PRKG1: variants seen among roughly 807,000 people sequenced by gnomAD.
PRKG1 encodes protein kinase cGMP-dependent 1.
PRKG1 carries 35 observed loss-of-function variants against 88.1 expected under a neutral mutation model. The ratio of observed to expected loss-of-function variants is 0.40; its 90% CI spans 0.30 to 0.53. The LOEUF (loss-of-function observed/expected upper bound fraction) is 0.53, where lower values mean the gene tolerates loss of function less well. PRKG1 is among the 20% of genes least tolerant of loss of function. The pLI, the probability that PRKG1 is intolerant of heterozygous loss-of-function variation, is 0.59. For missense variants in PRKG1, 540 were observed against 839.8 expected (o/e 0.64, Z 4.41); for synonymous variants, 303 against 292.5 (o/e 1.04, Z -0.37).
intron 3 of PRKG1, among the ~76,000 whole-genome samples, chr10:51,496,520 G>A (rs954728690): frequency 6.6e-6 from 1 of 152,094 alleles, no homozygotes; most frequent in Admixed American, 6.5e-5. Flanking sequence ...TAATGGAAAT[G>A]TTCACAGATC....
At chr10:51,202,454 C>G (rs538956104) in intron 2 of PRKG1, among the ~76,000 whole-genome samples, 1 of 152,288 alleles carries the variant, frequency 6.6e-6, no homozygotes, top group African/African-American at 2.4e-5. Context: ...GAAGATTTCT[C>G]CTGAGAACAC....
intron 3 of PRKG1, among the ~76,000 whole-genome samples, chr10:51,470,173 T>C (rs1840012714): frequency 6.6e-6 from 1 of 151,900 alleles, no homozygotes. Flanking sequence ...TCTTATTCTT[T>C]ACATGTGATA....
At chr10:51,744,406 T>C (rs1199502320) in intron 3 of PRKG1, among the ~76,000 whole-genome samples, 1 of 151,432 alleles carries the variant, frequency 6.6e-6, no homozygotes, top group African/African-American at 2.5e-5. Flanking sequence ...GCTTTTTAGC[T>C]GAGGAAACCT....
At chr10:52,082,425 G>C (rs971894084) in intron 7 of PRKG1, among the ~76,000 whole-genome samples, 1 of 152,116 alleles carries the variant, frequency 6.6e-6, no homozygotes, top group African/African-American at 2.4e-5. Context: ...GCTCTCTGTA[G>C]GACAGGAGAG....
At chr10:51,301,129 A>G (rs193048767) in intron 2 of PRKG1, among the ~76,000 whole-genome samples, 2 of 152,338 alleles carry the variant, frequency 1.3e-5, no homozygotes, top group East Asian at 3.9e-4. Flanking sequence ...GTCCAGCAAC[A>G]GATTAGTGAA....
chr10:51,790,704 T>C (rs1838847852), intron 3 of PRKG1, among the ~76,000 whole-genome samples: 1 of 152,188 alleles, frequency 6.6e-6, no homozygotes, highest in South Asian at 2.1e-4. Flanking sequence ...ATCTGATCTT[T>C]TGATGTAGAG....
intron 12 of PRKG1, among the ~76,000 whole-genome samples, chr10:52,278,465 A>G (rs1430629938): frequency 2.0e-5 from 3 of 152,172 alleles, no homozygotes; most frequent in African/African-American, 7.2e-5. Context: ...TACTGGGTAT[A>G]TACCCAAAGA....
intron 3 of PRKG1, among the ~76,000 whole-genome samples, chr10:51,651,047 C>A (rs1840026395): frequency 6.6e-6 from 1 of 152,150 alleles, no homozygotes; most frequent in African/African-American, 2.4e-5. Context: ...TATTGAAGTC[C>A]AATGGGTAAA....
intron 2 of PRKG1, among the ~76,000 whole-genome samples, chr10:51,306,295 T>C (rs1321318535): frequency 6.6e-6 from 1 of 152,138 alleles, no homozygotes; most frequent in Non-Finnish European, 1.5e-5. Flanking sequence ...GAAATTTTGG[T>C]TTCACAGGCG....
intron 3 of PRKG1, among the ~76,000 whole-genome samples, chr10:51,610,809 C>T (rs536522832): frequency 3.9e-5 from 6 of 152,250 alleles, no homozygotes; most frequent in African/African-American, 1.4e-4. Context: ...CTAAACACTG[C>T]ATGTTCTCAC....
intron 5 of PRKG1, among the ~76,000 whole-genome samples, chr10:51,912,142 A>G (rs1399501067): frequency 6.6e-6 from 1 of 152,226 alleles, no homozygotes; most frequent in Non-Finnish European, 1.5e-5. Flanking sequence ...AGCCATGTGC[A>G]TCTGGTGGAA....
intron 7 of PRKG1, among the ~76,000 whole-genome samples, chr10:52,074,651 T>A (rs1377927659): frequency 6.6e-6 from 1 of 152,226 alleles, no homozygotes; most frequent in Non-Finnish European, 1.5e-5. Flanking sequence ...CAAGTCTAAA[T>A]GATTGCTTCT....
intron 2 of PRKG1, among the ~76,000 whole-genome samples, chr10:51,163,954 A>C (rs1422148759): frequency 1.3e-5 from 2 of 152,194 alleles, no homozygotes; most frequent in African/African-American, 2.4e-5. Flanking sequence ...TGTAGGCTCC[A>C]CTTCTGGGGG....
intron 5 of PRKG1, among the ~76,000 whole-genome samples, chr10:52,006,336 A>G (rs1452878985): frequency 6.6e-6 from 1 of 152,234 alleles, no homozygotes; most frequent in African/African-American, 2.4e-5. Context: ...AATGAAGATC[A>G]TCAAGATTCA....
intron 5 of PRKG1, among the ~76,000 whole-genome samples, chr10:51,954,671 G>T (rs1023447726): frequency 6.6e-6 from 1 of 152,184 alleles, no homozygotes; most frequent in African/African-American, 2.4e-5. Context: ...TCATATGTAT[G>T]TATCTTGGCG....
chr10:52,280,303 T>C (rs992535182), intron 12 of PRKG1, among the ~76,000 whole-genome samples: 5 of 152,174 alleles, frequency 3.3e-5, no homozygotes, highest in African/African-American at 1.2e-4. Flanking sequence ...CAGTTGCTTT[T>C]ATTCAGACTC....
intron 9 of PRKG1, among the ~76,000 whole-genome samples, chr10:52,194,713 G>C (rs1333552792): frequency 6.6e-6 from 1 of 152,032 alleles, no homozygotes; most frequent in Non-Finnish European, 1.5e-5. Flanking sequence ...TCAATGCTAA[G>C]AAATTTGAAA....
At chr10:51,903,763 T>A (rs1360768848) in intron 4 of PRKG1, among the ~76,000 whole-genome samples, 1 of 152,154 alleles carries the variant, frequency 6.6e-6, no homozygotes, top group Non-Finnish European at 1.5e-5. Context: ...AGGCATTTTT[T>A]AGTATATTCA....
intron 2 of PRKG1, among the ~76,000 whole-genome samples, chr10:51,178,672 A>T (rs900630990): frequency 1.3e-5 from 2 of 152,158 alleles, no homozygotes; most frequent in African/African-American, 4.8e-5. Flanking sequence ...TAAATATCCC[A>T]AATCCTTTCT....
Sources: gnomAD v4.1 joint callset for allele counts (sites outside exome capture counted in the v4.1 genomes callset) on GRCh38, gnomAD v4.1.1 for gene constraint, MANE v1.5 for transcripts, NCBI Gene and HGNC (gene_info 2026-07-23, HGNC 2026-07-21) for gene names.